The following THADA variants were observed in gnomAD, a reference collection of about 807,000 sequenced individuals.
THADA encodes tRNA (32-2'-O)-methyltransferase regulator THADA.
A neutral mutation model predicts 219.8 loss-of-function variants in THADA; 213 were observed. That is an observed-to-expected ratio of 0.97 (90% CI 0.87 to 1.09). The LOEUF is 1.09. THADA is among the 50% of genes least tolerant of loss of function. The pLI, the probability that THADA is intolerant of heterozygous loss-of-function variation, is 0.00. For synonymous variants in THADA, 1,018 were observed against 828.9 expected, an observed-to-expected ratio of 1.23 and a Z score of -3.92; for missense variants, 2,956 against 2,311.3, an observed-to-expected ratio of 1.28 and a Z score of -5.72.
At chr2:43,579,838 A>AAATGTGTG (rs993798951) in intron 8 of THADA, among the ~76,000 whole-genome samples, 2 of 152,124 alleles carry the variant, frequency 1.3e-5, no homozygotes, top group Non-Finnish European at 2.9e-5. Flanking sequence ...GAAAAGCAGA[A>AAATGTGTG]AATGTGTGGG....
At chr2:43,480,587 G>A (rs1358080652) in intron 26 of THADA, among the ~76,000 whole-genome samples, 2 of 151,938 alleles carry the variant, frequency 1.3e-5, no homozygotes, top group African/African-American at 4.8e-5. Flanking sequence ...TGAGGCAGGC[G>A]ATCACAAGGT....
At chr2:43,530,630 A>G (rs987768853) in intron 21 of THADA, among the ~76,000 whole-genome samples, 2 of 152,236 alleles carry the variant, frequency 1.3e-5, no homozygotes, top group African/African-American at 4.8e-5. Context: ...TGTTGCAGAT[A>G]TTAAAACATA....
At position 43,520,505 on chromosome 2, in the gene THADA, C is replaced by T. The variant is rs542624347; in HGVS notation, c.3374+7374G>A. The stretch of plus-strand genomic sequence containing the variant: ...GAGTTGGAGACCAGCCTGGGCAACA[C>T]GGCACAAGCCCATCTCTACAAAAAA... On this transcript the variant is annotated intron_variant, in intron 22 of 37. Coordinates refer to ENST00000405975, the MANE Select transcript of THADA (RefSeq NM_022065.5). 5.5e-4 allele frequency among the ~76,000 whole-genome samples: 84 copies of T among 151,986 alleles called. 2 individuals are homozygous for T. In the South Asian group the frequency reaches 0.016, roughly 30 times the overall value.
intron 36 of THADA, among the ~76,000 whole-genome samples, chr2:43,248,064 A>AC (rs201272767): frequency 9.4e-5 from 14 of 148,604 alleles, no homozygotes; most frequent in African/African-American, 2.2e-4. Context: ...AAACAAACAA[A>AC]AAAAAAGTTG....
chr2:43,586,511 T>C (rs1201358737), intron 6 of THADA, 62 bp from the exon 7 acceptor site: 3 of 1,424,984 alleles, frequency 2.1e-6, no homozygotes, highest in Non-Finnish European at 2.8e-6. Flanking sequence ...TTCAATAAAA[T>C]AAAATATTTT....
At chr2:43,371,690 G>C (rs1670821212) in intron 29 of THADA, among the ~76,000 whole-genome samples, 1 of 151,866 alleles carries the variant, frequency 6.6e-6, no homozygotes, top group Non-Finnish European at 1.5e-5. Context: ...TCAACTCCTT[G>C]GCAAACAAAA....
intron 26 of THADA, among the ~76,000 whole-genome samples, chr2:43,468,395 C>CT (rs1463427112): frequency 6.6e-6 from 1 of 152,154 alleles, no homozygotes; most frequent in Non-Finnish European, 1.5e-5. Flanking sequence ...TTATTTGGAT[C>CT]TTTTTACCAT....
At chr2:43,577,524 A>G (rs1250333726) in intron 9 of THADA, among the ~76,000 whole-genome samples, 1 of 150,074 alleles carries the variant, frequency 6.7e-6, no homozygotes, top group African/African-American at 2.5e-5. Flanking sequence ...TTTTTTTGGT[A>G]TGTATTTTTT....
At chr2:43,434,455 G>A (rs959860584) in intron 26 of THADA, among the ~76,000 whole-genome samples, 3 of 152,074 alleles carry the variant, frequency 2.0e-5, no homozygotes, top group Admixed American at 6.6e-5. Context: ...ACCCTGGCCC[G>A]CCATGCCCCC....
chr2:43,275,283 G>A (rs1298437715), intron 36 of THADA, among the ~76,000 whole-genome samples: 1 of 152,144 alleles, frequency 6.6e-6, no homozygotes, highest in African/African-American at 2.4e-5. Flanking sequence ...GGGATTAGAT[G>A]CGTGAGCCAC....
In THADA at chr2:43,541,203, G is replaced by A. The variant is rs756391218; in HGVS notation, c.3220C>T (p.Gln1074Ter). ...LGMLCQLLPM[Q>*]PVPESSDGLL... is the part of the protein sequence containing the mutation. ...CCATCAGAAGATTCTGGCACAGGCT[G>A]CATGGGCAGAAGCTGGCACAACATG... is the stretch of plus-strand genomic sequence containing the variant. Residue 1074 changes from glutamine (Q) to a stop codon, truncating the protein, a stop_gained, in exon 21 of 38, where the codon CAG becomes TAG. Coordinates refer to ENST00000405975, the MANE Select transcript of THADA (RefSeq NM_022065.5). LOFTEE classifies it high-confidence loss of function. 1 of 1,607,858 alleles carries A rather than the reference G, an allele frequency of 6.2e-7. No homozygotes were observed. Among genetic ancestry groups the A allele is most frequent in the East Asian group, 2.2e-5 (1 of 44,556 alleles).
intron 31 of THADA, among the ~76,000 whole-genome samples, chr2:43,298,818 CTGA>C (rs1203520614): frequency 6.6e-6 from 1 of 152,126 alleles, no homozygotes; most frequent in East Asian, 1.9e-4. Flanking sequence ...AGCAAGCATG[CTGA>C]TGAGTGTAAT....
rs927566273 is a variant in THADA, at chr2:43,235,754, A to C, written c.5297-2872T>G. ...GGGGTGACCAGAGATGCCACCAAGG[A>C]AGGCTAGGCTGCTGCACTAGCCCCA... On this transcript the variant is annotated intron_variant, in intron 36 of 37. Coordinates refer to ENST00000405975, the MANE Select transcript of THADA (RefSeq NM_022065.5). Among the ~76,000 whole-genome samples the C allele has an allele frequency of 4.6e-5, 7 of 152,106 alleles. No individual in the cohort carries two copies. In the East Asian group the frequency reaches 5.8e-4, roughly 13 times the overall value.
At chr2:43,448,743 T>A (rs1681914952) in intron 26 of THADA, among the ~76,000 whole-genome samples, 4 of 151,806 alleles carry the variant, frequency 2.6e-5, no homozygotes, top group Admixed American at 1.3e-4. Flanking sequence ...AAACTTAAGC[T>A]TACACATCAG....
intron 29 of THADA, among the ~76,000 whole-genome samples, chr2:43,347,010 G>A (rs886595268): frequency 5.9e-5 from 9 of 151,996 alleles, no homozygotes; most frequent in Admixed American, 1.3e-4. Flanking sequence ...TCGTAGTGCC[G>A]ACTTCTGTGT....
At chr2:43,232,378 C>T (rs1197469170) in intron 37 of THADA, among the ~76,000 whole-genome samples, 3 of 152,094 alleles carry the variant, frequency 2.0e-5, no homozygotes, top group Admixed American at 1.3e-4. Flanking sequence ...CGGGGTTTCA[C>T]CGTGTTAGCC....
Position 43,566,699 on chromosome 2 carries a change from T to C in THADA, c.2310A>G (p.Glu770=), listed in dbSNP as rs760359270. The C allele has an allele frequency of 1.9e-6, 3 of 1,607,098 alleles. No homozygotes were observed. The highest frequency in any genetic ancestry group is 2.7e-5 in the African/African-American group (2 of 74,646). The change falls in exon 15 of 38, where the codon GAA becomes GAG. Residue 770 remains glutamate, a splice_region_variant and synonymous_variant. Coordinates refer to ENST00000405975, the MANE Select transcript of THADA (RefSeq NM_022065.5). ...GSIAEVFHVP[E]GRIYTVYQLS... ...CCCCTAACATTATTAAACACTTACC[T>C]TCTGGGACATGAAAAACTTCAGCTA...
intron 28 of THADA, among the ~76,000 whole-genome samples, chr2:43,423,017 G>C (rs933036844): frequency 6.6e-6 from 1 of 152,200 alleles, no homozygotes; most frequent in African/African-American, 2.4e-5. Flanking sequence ...AAAGAATCTA[G>C]AGAATAGGAT....
At chr2:43,321,130 T>C (rs952330350) in intron 30 of THADA, among the ~76,000 whole-genome samples, 3 of 152,168 alleles carry the variant, frequency 2.0e-5, no homozygotes, top group Non-Finnish European at 2.9e-5. Flanking sequence ...ATAGTAGAAA[T>C]AGTAAGTGGG....
Sources: allele counts gnomAD v4.1 joint callset (sites outside exome capture counted in the v4.1 genomes callset), GRCh38; gene constraint gnomAD v4.1.1; transcripts MANE v1.5; gene names NCBI Gene and HGNC (gene_info 2026-07-23, HGNC 2026-07-21).